Variants in ELMO1 observed in about 807,000 individuals in gnomAD.
The protein encoded by ELMO1 is engulfment and cell motility 1, also known as engulfment and cell motility protein 1.
ELMO1 carries 26 observed loss-of-function variants against 98.9 expected under a neutral mutation model. That is an observed-to-expected ratio of 0.26 (90% CI 0.19 to 0.36). The LOEUF (loss-of-function observed/expected upper bound fraction) is 0.36, where lower values mean the gene tolerates loss of function less well. ELMO1 is among the 10% of genes least tolerant of loss of function. The pLI, the probability that ELMO1 is intolerant of heterozygous loss-of-function variation, is 1.00. For missense variants in ELMO1, 627 were observed against 935.2 expected, an observed-to-expected ratio of 0.67 and a Z score of 4.30; for synonymous variants, 346 against 346.0, an observed-to-expected ratio of 1.00 and a Z score of 0.00.
intron 1 of ELMO1, among the ~76,000 whole-genome samples, chr7:37,438,209 C>G (rs1477184654): frequency 1.3e-5 from 2 of 152,006 alleles, no homozygotes; most frequent in Non-Finnish European, 2.9e-5. Context: ...GAGCAGTTAC[C>G]TAGGTCACTT....
chr7:37,043,145 T>C (rs944237020), intron 15 of ELMO1, among the ~76,000 whole-genome samples: 10 of 152,156 alleles, frequency 6.6e-5, no homozygotes, highest in Non-Finnish European at 1.3e-4. Context: ...GAGCCTCCTC[T>C]CACTCCAGTC....
At chr7:37,102,475 G>A (rs529973892) in intron 14 of ELMO1, among the ~76,000 whole-genome samples, 14 of 152,214 alleles carry the variant, frequency 9.2e-5, no homozygotes, top group African/African-American at 2.6e-4. Flanking sequence ...CAGAACCACA[G>A]GCTGCTAGTT....
At position 37,321,517 on chromosome 7, in the gene ELMO1, A is replaced by G. The variant is rs190064209; in HGVS notation, c.79-5557T>C. Among the ~76,000 whole-genome samples the G allele has an allele frequency of 8.5e-4, 129 of 152,066 alleles. 1 individual carries two copies. Among genetic ancestry groups the G allele is most frequent in the Non-Finnish European group, 1.7e-3 (113 of 67,990 alleles). On this transcript the variant is annotated intron_variant, in intron 2 of 21. Transcript: ENST00000310758. ...CAGATCATGAGGTCAGGAGATCGAG[A>G]GCATCCTGGCTAACACGTTGAAACC...
intron 15 of ELMO1, among the ~76,000 whole-genome samples, chr7:37,077,451 T>C (rs2076845997): frequency 6.6e-6 from 1 of 152,192 alleles, no homozygotes; most frequent in African/African-American, 2.4e-5. Flanking sequence ...AAGTTTGGGC[T>C]TCAGCCTAAG....
chr7:37,302,642 C>A (rs1583499227), intron 4 of ELMO1, among the ~76,000 whole-genome samples: 2 of 152,126 alleles, frequency 1.3e-5, no homozygotes, highest in Admixed American at 1.3e-4. Flanking sequence ...TCATGTCTTC[C>A]CAGTTGTGAC....
intron 13 of ELMO1, among the ~76,000 whole-genome samples, chr7:37,206,616 A>G (rs1792638155): frequency 6.6e-6 from 1 of 152,240 alleles, no homozygotes; most frequent in Non-Finnish European, 1.5e-5. Context: ...GTAACTACAG[A>G]TAATTATCTT....
intron 16 of ELMO1, among the ~76,000 whole-genome samples, chr7:36,982,572 C>T (rs888735630): frequency 6.6e-6 from 1 of 152,156 alleles, no homozygotes; most frequent in East Asian, 1.9e-4. Context: ...GTCTTCTACA[C>T]ATTTACATAC....
intron 4 of ELMO1, among the ~76,000 whole-genome samples, chr7:37,292,250 C>G (rs1163121287): frequency 8.4e-5 from 8 of 95,216 alleles, no homozygotes; most frequent in African/African-American, 2.5e-4. Context: ...TCACTCAGTG[C>G]TCAATGGTGC....
At chr7:37,027,462 T>C (rs933116817) in intron 15 of ELMO1, among the ~76,000 whole-genome samples, 3 of 152,096 alleles carry the variant, frequency 2.0e-5, no homozygotes. Context: ...CTGCATAACA[T>C]TGTCAACTAT....
At chr7:37,080,183 A>C (rs1797788505) in intron 15 of ELMO1, among the ~76,000 whole-genome samples, 1 of 152,204 alleles carries the variant, frequency 6.6e-6, no homozygotes, top group Non-Finnish European at 1.5e-5. Context: ...ACCTTTTTAC[A>C]GTACTGCCAC....
chr7:37,066,088 C>A (rs1040108626), intron 15 of ELMO1, among the ~76,000 whole-genome samples: 3 of 152,204 alleles, frequency 2.0e-5, no homozygotes, highest in Non-Finnish European at 4.4e-5. Flanking sequence ...GTTCCTCATT[C>A]ACCTTCAGCC....
At chr7:37,262,422 T>C (rs1014911124) in intron 5 of ELMO1, among the ~76,000 whole-genome samples, 1 of 152,150 alleles carries the variant, frequency 6.6e-6, no homozygotes, top group Non-Finnish European at 1.5e-5. Context: ...CTTCTCCAAA[T>C]TGTCAAACTA....
At chr7:36,922,707 G>A (rs892284741) in intron 16 of ELMO1, among the ~76,000 whole-genome samples, 7 of 152,204 alleles carry the variant, frequency 4.6e-5, no homozygotes, top group Non-Finnish European at 7.3e-5. Flanking sequence ...TGGTGGCTGA[G>A]TTCCAGGCAA....
intron 16 of ELMO1, among the ~76,000 whole-genome samples, chr7:36,993,934 C>G (rs1306063667): frequency 6.6e-6 from 1 of 152,172 alleles, no homozygotes; most frequent in Admixed American, 6.5e-5. Flanking sequence ...TGAATAAGTG[C>G]TCTTGCTTAT....
In ELMO1 at chr7:37,072,022, G is replaced by A. The variant is rs539368135; in HGVS notation, c.1300+24597C>T. ...ACAAGTTCTTCTTGAGAATGAGGAG[G>A]AGCATTCTTTATTTTAAATCTAAAA... is the stretch of plus-strand genomic sequence containing the variant. On this transcript the variant is annotated intron_variant, in intron 15 of 21. Transcript: ENST00000310758. Among the ~76,000 whole-genome samples the A allele has an allele frequency of 1.6e-4, 24 of 152,256 alleles. No individual in the cohort carries two copies. The South Asian group carries it at 4.8e-3, about 30-fold the overall frequency.
At chr7:37,201,033 T>C (rs938053833) in intron 13 of ELMO1, among the ~76,000 whole-genome samples, 2 of 151,960 alleles carry the variant, frequency 1.3e-5, no homozygotes, top group African/African-American at 2.4e-5. Flanking sequence ...AAGAAAAGAA[T>C]GCTCAAGAGG....
chr7:37,059,280 C>A (rs1056266233), intron 15 of ELMO1, among the ~76,000 whole-genome samples: 2 of 152,178 alleles, frequency 1.3e-5, no homozygotes, highest in African/African-American at 2.4e-5. Flanking sequence ...AGTCACAGCC[C>A]TTTGCAGTGC....
chr7:37,281,021 A>ATATG (rs146240085), intron 4 of ELMO1, among the ~76,000 whole-genome samples: 18 of 148,612 alleles, frequency 1.2e-4, no homozygotes, highest in East Asian at 5.8e-4. Flanking sequence ...AAATATATAT[A>ATATG]TATACACACA....
At chr7:36,922,525 T>C (rs989179966) in intron 16 of ELMO1, among the ~76,000 whole-genome samples, 1 of 152,160 alleles carries the variant, frequency 6.6e-6, no homozygotes, top group Admixed American at 6.5e-5. Context: ...TATTCTTGGA[T>C]TGCGGGATCT....
Sources: allele counts gnomAD v4.1 joint callset (sites outside exome capture counted in the v4.1 genomes callset), GRCh38; gene constraint gnomAD v4.1.1; transcripts MANE v1.5; gene names NCBI Gene and HGNC (gene_info 2026-07-23, HGNC 2026-07-21).